The following PKD2 variants were observed in gnomAD, a reference collection of about 807,000 sequenced individuals.
The protein encoded by PKD2 is polycystin 2, transient receptor potential cation channel, also known as polycystin-2.
In PKD2, 48 loss-of-function variants were observed where a neutral mutation model predicts 105.9. The ratio of observed to expected loss-of-function variants is 0.45; its 90% CI spans 0.36 to 0.58. The LOEUF is 0.58. Ranked by LOEUF, PKD2 falls within the 20% of genes least tolerant of loss-of-function variation. PKD2 has a pLI of 0.00. For missense variants in PKD2, 1,078 were observed against 1,255.3 expected (o/e 0.86, Z 2.13); for synonymous variants, 464 against 481.1 (o/e 0.96, Z 0.46).
In PKD2 at chr4:88,056,272, G is replaced by A. The variant is rs1553926929; in HGVS notation, c.1898+5G>A. The A allele has an allele frequency of 1.9e-6, 3 of 1,590,364 alleles. No individual in the cohort carries two copies. The highest frequency in any genetic ancestry group is 2.6e-6 in the Non-Finnish European group (3 of 1,160,932). On this transcript the variant is annotated splice_donor_5th_base_variant and intron_variant, in intron 8 of 14. Coordinates refer to ENST00000237596, the MANE Select transcript of PKD2 (RefSeq NM_000297.4). ...CAGTACTTTCCAAGAGTGTATGTAA[G>A]TATATATGAAATTAAGAAGAAAAAT... is the stretch of plus-strand genomic sequence containing the variant.
At chr4:88,065,670 T>A (rs1195066822) in intron 11 of PKD2, 92 bp from the exon 12 acceptor site, 18 of 1,209,170 alleles carry the variant, frequency 1.5e-5, no homozygotes, top group Non-Finnish European at 2.0e-5. Flanking sequence ...ATTTGGTGAT[T>A]TCTCCTTTCC....
At chr4:88,067,806 A>G in intron 12 of PKD2, 92 bp from the exon 13 acceptor site, 3 of 1,032,294 alleles carry the variant, frequency 2.9e-6, no homozygotes, top group Non-Finnish European at 1.5e-6. Context: ...GGTAAATGGC[A>G]TGCACCCAGT....
At chr4:88,068,809 C>G (rs1399754475) in intron 13 of PKD2, among the ~76,000 whole-genome samples, 1 of 152,084 alleles carries the variant, frequency 6.6e-6, no homozygotes, top group Non-Finnish European at 1.5e-5. Context: ...CTTAGATGTG[C>G]CTAGATGTGG....
intron 9 of PKD2, among the ~76,000 whole-genome samples, chr4:88,061,651 T>C (rs1282880617): frequency 1.3e-5 from 2 of 152,056 alleles, no homozygotes; most frequent in African/African-American, 4.8e-5. Context: ...GACTCAAGAA[T>C]TGCTTGAACC....
intron 4 of PKD2, 135 bp downstream of exon 4, chr4:88,038,636 T>G: frequency 1.1e-6 from 1 of 919,464 alleles, no homozygotes; most frequent in Non-Finnish European, 1.8e-6. Context: ...TGCTTATATT[T>G]AAACCTTGGC....
chr4:88,027,462 A>G (rs568113280), intron 2 of PKD2, among the ~76,000 whole-genome samples: 3 of 152,320 alleles, frequency 2.0e-5, no homozygotes, highest in African/African-American at 4.8e-5. Flanking sequence ...CCCCCATTGT[A>G]TCTTGGAAGT....
At chr4:88,027,364 C>T (rs769325888) in intron 2 of PKD2, among the ~76,000 whole-genome samples, 3 of 152,246 alleles carry the variant, frequency 2.0e-5, no homozygotes, top group Middle Eastern at 3.4e-3. Flanking sequence ...AATGCCCTGT[C>T]GAGTTTCAGA....
At chr4:88,057,882 C>A in intron 8 of PKD2, 101 bp from the exon 9 acceptor site, 2 of 951,688 alleles carry the variant, frequency 2.1e-6, no homozygotes, top group Non-Finnish European at 3.4e-6. Flanking sequence ...ACCTATACTG[C>A]TAAAAGGTCC....
Position 88,075,885 on chromosome 4 carries a change from C to G in PKD2, c.*191C>G. The G allele has an allele frequency of 1.6e-6, 1 of 608,478 alleles. No homozygotes were observed. 37.7% of individuals were successfully genotyped at this position (608,478 alleles called of 1,614,324 possible). ...GGTTCAAAGATTTTTTTTTCTTTTT[C>G]TCATATAAGAAATCTAGGTGTAAAT... On this transcript the variant is annotated 3_prime_UTR_variant, in exon 15 of 15. Coordinates refer to ENST00000237596, the MANE Select transcript of PKD2 (RefSeq NM_000297.4).
At chr4:88,070,584 A>T (rs1162911837) in intron 13 of PKD2, among the ~76,000 whole-genome samples, 12 of 87,194 alleles carry the variant, frequency 1.4e-4, no homozygotes, top group East Asian at 2.7e-4. Flanking sequence ...TTATATATAT[A>T]TATATATATA....
chr4:88,011,000 A>G (rs990564595), intron 1 of PKD2, among the ~76,000 whole-genome samples: 1 of 152,202 alleles, frequency 6.6e-6, no homozygotes, highest in African/African-American at 2.4e-5. Flanking sequence ...CTGAAAGGAA[A>G]TTGTGTCAGC....
At position 88,036,230 on chromosome 4, in the gene PKD2, C is replaced by T. The variant is rs1727325253; in HGVS notation, c.720C>T (p.Gly240=). 2.5e-6 allele frequency: 4 copies of T among 1,613,560 alleles called. No individual in the cohort carries two copies. The highest frequency in any genetic ancestry group is 1.7e-5 in the Admixed American group (1 of 59,994). The part of the protein sequence containing the change: ...FLIVLCILTY[G]MMSSNVYYYT... ...CTTTCTGTGTTCCAGTGACCTACGGCATGATGAGCTCCAATGTGTACTACT... is the reference window on the plus strand; with the variant it reads ...CTTTCTGTGTTCCAGTGACCTACGGTATGATGAGCTCCAATGTGTACTACT... The change falls in exon 3 of 15, where the codon GGC becomes GGT. Residue 240 remains glycine, a synonymous_variant. Transcript: ENST00000237596.
At chr4:88,043,908 A>T (rs1378380602) in intron 5 of PKD2, among the ~76,000 whole-genome samples, 2 of 152,144 alleles carry the variant, frequency 1.3e-5, no homozygotes, top group Non-Finnish European at 2.9e-5. Context: ...GCTCAGTAGG[A>T]TACCCAGGTT....
chr4:88,018,649 G>C (rs1726642673), intron 1 of PKD2, among the ~76,000 whole-genome samples: 1 of 152,178 alleles, frequency 6.6e-6, no homozygotes, highest in Admixed American at 6.5e-5. Context: ...TGCTGGCTGA[G>C]TCCAAAACTG....
intron 2 of PKD2, among the ~76,000 whole-genome samples, chr4:88,021,979 A>G (rs1215425392): frequency 6.6e-6 from 1 of 152,184 alleles, no homozygotes; most frequent in Non-Finnish European, 1.5e-5. Context: ...AGTCCCTAAG[A>G]AAGCACATGA....
intron 1 of PKD2, 23 bp from the exon 2 acceptor site, chr4:88,019,435 T>C: frequency 2.6e-6 from 3 of 1,167,660 alleles, no homozygotes; most frequent in Non-Finnish European, 3.9e-6. Context: ...ATATCTTTTC[T>C]TTTCTTCATT....
At position 88,029,046 on chromosome 4, in the gene PKD2, A is replaced by G. The variant is rs1411973966; in HGVS notation, c.710-7174A>G. ...AAGATTTGGGGGTTTTAGTGACTGTATTTCACAAACTCTCTTATTGATTCT... is the reference window on the plus strand; with the variant it reads ...AAGATTTGGGGGTTTTAGTGACTGTGTTTCACAAACTCTCTTATTGATTCT... On this transcript the variant is annotated intron_variant, in intron 2 of 14. Transcript: ENST00000237596. Among the ~76,000 whole-genome samples the G allele has an allele frequency of 3.9e-5, 6 of 152,238 alleles. No homozygotes were observed. The South Asian group carries it at 1.0e-3, about 26-fold the overall frequency.
chr4:88,048,904 C>T lies in PKD2; in HGVS notation c.1548+2034C>T, dbSNP rs10516803. Among the ~76,000 whole-genome samples the T allele has an allele frequency of 9.5e-3, 1,451 of 152,234 alleles. 17 individuals carry two copies. Among genetic ancestry groups the T allele is most frequent in the African/African-American group, 0.033 (1,361 of 41,538 alleles). ...TTCGGATTGATGGCAGAGTGCAGGC[C>T]ATATACATTGACAATTATTCCAGAA... On this transcript the variant is annotated intron_variant, in intron 6 of 14. Coordinates refer to ENST00000237596, the MANE Select transcript of PKD2 (RefSeq NM_000297.4).
chr4:88,008,408 G>A, intron 1 of PKD2, 80 bp downstream of exon 1: 1 of 1,437,308 alleles, frequency 7.0e-7, no homozygotes, highest in Non-Finnish European at 9.1e-7. Flanking sequence ...CGCTGCGGCA[G>A]CTCCCCGGGC....
Sources: allele counts gnomAD v4.1 joint callset (sites outside exome capture counted in the v4.1 genomes callset), GRCh38; gene constraint gnomAD v4.1.1; transcripts MANE v1.5; gene names NCBI Gene and HGNC (gene_info 2026-07-23, HGNC 2026-07-21).